Variants in ECHDC2 observed in about 807,000 individuals in gnomAD.
ECHDC2 encodes the protein enoyl-CoA hydratase domain containing 2.
Under a neutral mutation model 40.6 loss-of-function variants are expected in ECHDC2, and 34 were observed. That is an observed-to-expected ratio of 0.84 (90% confidence interval 0.64 to 1.11). The LOEUF is 1.11. Ranked by LOEUF, ECHDC2 falls within the 50% of genes most tolerant of loss-of-function variation. The pLI, the probability that ECHDC2 is intolerant of heterozygous loss-of-function variation, is 0.00. For missense variants in ECHDC2, 392 were observed against 400.7 expected, an observed-to-expected ratio of 0.98 and a Z score of 0.19; for synonymous variants, 162 against 166.6, an observed-to-expected ratio of 0.97 and a Z score of 0.21.
chr1:52,905,138 C>T (rs772970063), intron 5 of ECHDC2, 48 bp from the exon 6 acceptor site: 3 of 1,602,008 alleles, frequency 1.9e-6, no homozygotes, highest in Admixed American at 3.4e-5. Context: ...TCCGGTCCCC[C>T]AGTGCTAATC....
chr1:52,919,168 T>G (rs971749274), intron 1 of ECHDC2, among the ~76,000 whole-genome samples: 1 of 152,180 alleles, frequency 6.6e-6, no homozygotes, highest in Non-Finnish European at 1.5e-5. Flanking sequence ...CTGTCTTTCA[T>G]GAAAATAGTC....
intron 1 of ECHDC2, chr1:52,912,183 T>C (rs902158757): frequency 4.9e-6 from 2 of 410,742 alleles, no homozygotes; most frequent in African/African-American, 2.2e-5. Flanking sequence ...TTTTTTTTTT[T>C]ATTTTTGGCG....
intron 1 of ECHDC2, chr1:52,920,481 A>G: frequency 2.0e-6 from 3 of 1,491,406 alleles, no homozygotes; most frequent in Non-Finnish European, 2.7e-6. Context: ...CGAGGAAGAT[A>G]AGGCTTTCAA....
At chr1:52,903,821 C>CTTTTTT (rs565248267) in intron 7 of ECHDC2, among the ~76,000 whole-genome samples, 1 of 144,684 alleles carries the variant, frequency 6.9e-6, no homozygotes, top group Non-Finnish European at 1.5e-5. Context: ...TTCTTTCTTT[C>CTTTTTT]TTTTTTTTTT....
At chr1:52,904,303 A>G (rs937930013) in intron 7 of ECHDC2, among the ~76,000 whole-genome samples, 4 of 152,178 alleles carry the variant, frequency 2.6e-5, no homozygotes, top group Non-Finnish European at 5.9e-5. Context: ...TGAATGAGGA[A>G]CTGCATTCAT....
At position 52,896,047 on chromosome 1, in the gene ECHDC2, C is replaced by CA. The variant is rs1553127219; in HGVS notation, c.*472dup. ...CCACGGTTATACAGCAAGTAACTGG[C>CA]AGAGACTGGGATCTGCAGTCTGACC... is the stretch of plus-strand genomic sequence containing the variant. On this transcript the variant is annotated 3_prime_UTR_variant, in exon 10 of 10. Transcript: ENST00000371522. 6.2e-6 allele frequency: 1 copy of CA among 160,540 alleles called. No individual in the cohort carries two copies. Among genetic ancestry groups the CA allele is most frequent in the Non-Finnish European group, 1.4e-5 (1 of 72,368 alleles). The allele number at this position is 160,540 out of a possible 1,614,324, so 9.9% of individuals were successfully genotyped here. A position where few individuals can be genotyped will look rare whatever the true frequency, so the allele number is the denominator to read the frequency against.
At chr1:52,905,467 T>G (rs1647542417) in intron 5 of ECHDC2, 1 of 239,244 alleles carries the variant, frequency 4.2e-6, no homozygotes, top group African/African-American at 2.2e-5. Context: ...ATTTGTGGAT[T>G]ACTATTAATA....
chr1:52,899,614 A>T (rs1646862457), intron 7 of ECHDC2: 1 of 194,600 alleles, frequency 5.1e-6, no homozygotes, highest in Non-Finnish European at 1.1e-5. Flanking sequence ...GAGGTGAAGC[A>T]CTTGGCTGTG....
intron 1 of ECHDC2, among the ~76,000 whole-genome samples, chr1:52,918,414 G>A (rs1249858761): frequency 6.6e-6 from 1 of 151,766 alleles, no homozygotes; most frequent in Non-Finnish European, 1.5e-5. Flanking sequence ...CCTCAGGCAG[G>A]TCCTTCAGTA....
chr1:52,921,506 G>C, intron 1 of ECHDC2, 47 bp downstream of exon 1: 1 of 1,583,986 alleles, frequency 6.3e-7, no homozygotes. Context: ...GCTGCCTCCG[G>C]CCTAGTCCCA....
Position 52,906,188 on chromosome 1 carries a change from G to A in ECHDC2, c.457+331C>T. On this transcript the variant is annotated intron_variant, in intron 5 of 9. Coordinates refer to ENST00000371522, the MANE Select transcript of ECHDC2 (RefSeq NM_001198961.2). ...TGAGGCTCACCTTTTTCCGAAACAT[G>A]GTCGATAAATCTGACTTGGACAGAA... is the stretch of plus-strand genomic sequence containing the variant. 6 of 383,098 alleles carry A rather than the reference G, an allele frequency of 1.6e-5. 1 individual carries two copies. Among genetic ancestry groups the A allele is most frequent in the South Asian group, 1.2e-4 (6 of 48,688 alleles). 23.7% of individuals were successfully genotyped at this position (383,098 alleles called of 1,614,324 possible).
intron 9 of ECHDC2, chr1:52,897,078 AAC>A (rs1646684419): frequency 2.6e-6 from 1 of 383,398 alleles, no homozygotes; most frequent in South Asian, 3.9e-5. Context: ...CCCTACATTG[AAC>A]ACAGCCTGCA....
In ECHDC2 at chr1:52,913,956, G is replaced by T. The variant is rs540012736; in HGVS notation, c.122-2166C>A. On this transcript the variant is annotated intron_variant, in intron 1 of 9. Coordinates refer to ENST00000371522, the MANE Select transcript of ECHDC2 (RefSeq NM_001198961.2). ...TCTTCTGCCCAATTATTTTAAGTGC[G>T]TAAGTTCCTTAAGGCCAATCAGATT... 1.3e-5 allele frequency: 15 copies of T among 1,176,972 alleles called. No homozygotes were observed. The South Asian group carries it at 2.0e-4, about 16-fold the overall frequency. The allele number at this position is 1,176,972 out of a possible 1,614,324, so 72.9% of individuals were successfully genotyped here.
chr1:52,896,374 G>T lies in ECHDC2; in HGVS notation c.*146C>A, dbSNP rs1005086785. The T allele has an allele frequency of 1.3e-5, 9 of 709,926 alleles. No individual in the cohort carries two copies. The highest frequency in any genetic ancestry group is 2.0e-5 in the Non-Finnish European group (8 of 399,348). 44.0% of individuals were successfully genotyped at this position (709,926 alleles called of 1,614,324 possible). On this transcript the variant is annotated 3_prime_UTR_variant, in exon 10 of 10. Coordinates refer to ENST00000371522, the MANE Select transcript of ECHDC2 (RefSeq NM_001198961.2). ...TCAGCACCTTGGTTCCAGGCATCAC[G>T]CCAGTCATTTTATTTCCATCATCAT...
intron 8 of ECHDC2, chr1:52,898,386 A>G (rs1646773744): frequency 6.6e-6 from 1 of 152,110 alleles, no homozygotes; most frequent in Non-Finnish European, 1.5e-5. Context: ...ACGCCTGGCT[A>G]ATTTTTTGTA....
chr1:52,899,459 A>G (rs12081324), intron 7 of ECHDC2: 9,160 of 568,982 alleles, frequency 0.016, 661 homozygotes, highest in African/African-American at 0.15. Flanking sequence ...TATTCAGCCC[A>G]TCCTTCCAAC....
At position 52,906,497 on chromosome 1, in the gene ECHDC2, G is replaced by A. The variant is rs781551905; in HGVS notation, c.457+22C>T. 7 of 1,586,848 alleles carry A rather than the reference G, an allele frequency of 4.4e-6. No homozygotes were observed. The African/African-American group carries it at 6.7e-5, about 15-fold the overall frequency. On this transcript the variant is annotated intron_variant, in intron 5 of 9. Transcript: ENST00000371522. Reference sequence around the variant, plus strand: ...CCCTGACTCCCTAGCCCCACCCCCTGCCCCCAGTCCTGGCCCAGTACCTGC... The same window carrying A: ...CCCTGACTCCCTAGCCCCACCCCCTACCCCCAGTCCTGGCCCAGTACCTGC...
At chr1:52,903,267 T>G (rs150659440) in intron 7 of ECHDC2, among the ~76,000 whole-genome samples, 45 of 152,266 alleles carry the variant, frequency 3.0e-4, no homozygotes, top group Non-Finnish European at 5.1e-4. Context: ...TTTAATTTTT[T>G]TCTTTCAATA....
At chr1:52,917,401 G>A (rs1326652557) in intron 1 of ECHDC2, 1 of 360,998 alleles carries the variant, frequency 2.8e-6, no homozygotes, top group Non-Finnish European at 5.5e-6. Context: ...AGAGAGACAA[G>A]TTCAGACACA....
Sources: allele counts gnomAD v4.1 joint callset (sites outside exome capture counted in the v4.1 genomes callset), GRCh38; gene constraint gnomAD v4.1.1; transcripts MANE v1.5; gene names NCBI Gene and HGNC (gene_info 2026-07-23, HGNC 2026-07-21).